CEP290: variants seen among roughly 807,000 people sequenced by gnomAD.
CEP290 encodes centrosomal protein 290, also known as centrosomal protein of 290 kDa.
Under a neutral mutation model 344.9 loss-of-function variants are expected in CEP290, and 317 were observed. The ratio of observed to expected loss-of-function variants is 0.92; its 90% CI spans 0.84 to 1.01. The LOEUF is 1.01. CEP290 is among the 50% of genes least tolerant of loss of function. CEP290 has a pLI of 0.00. For missense variants in CEP290, 2,754 were observed against 2,761.4 expected (o/e 1.00, Z 0.06); for synonymous variants, 932 against 895.8 (o/e 1.04, Z -0.72).
Position 88,139,169 on chromosome 12 carries a change from T to G in CEP290, c.273A>C (p.Val91=), listed in dbSNP as rs768434171. Residue 91 remains valine (V), a synonymous_variant, in exon 5 of 54, where the codon GTA becomes GTC. Coordinates refer to ENST00000552810, the MANE Select transcript of CEP290 (RefSeq NM_025114.4). ...AKFENQLKTK[V]MKLENELEMA... ...CCTCCAGTTCATTTTCCAGTTTCAT[T>G]ACTTTAGTTTTTAATTGATTTTCTA... 1.7e-6 allele frequency: 2 copies of G among 1,203,316 alleles called. No individual in the cohort carries two copies. Among genetic ancestry groups the G allele is most frequent in the Non-Finnish European group, 2.3e-6 (2 of 879,322 alleles). 74.5% of individuals were successfully genotyped at this position (1,203,316 alleles called of 1,614,324 possible). A position where few individuals can be genotyped will look rare whatever the true frequency, so the allele number is the denominator to read the frequency against.
chr12:88,099,379 T>C (rs908388885), intron 26 of CEP290, among the ~76,000 whole-genome samples: 1 of 152,256 alleles, frequency 6.6e-6, no homozygotes, highest in East Asian at 1.9e-4. Context: ...AATTGTAAAG[T>C]AGGTAATTCT....
At chr12:88,102,784 A>AAT in intron 26 of CEP290, 54 bp downstream of exon 26, 2 of 1,508,822 alleles carry the variant, frequency 1.3e-6, no homozygotes, top group Non-Finnish European at 1.8e-6. Context: ...CAAACACAAA[A>AAT]ATATTGAAGA....
chr12:88,096,505 G>A (rs1307911900), intron 27 of CEP290, among the ~76,000 whole-genome samples: 1 of 151,978 alleles, frequency 6.6e-6, no homozygotes, highest in East Asian at 1.9e-4. Context: ...TTTCTTTGCT[G>A]TTTCCTGGTA....
chr12:88,092,933 T>C, intron 28 of CEP290, 101 bp from the exon 29 acceptor site: 1 of 1,033,108 alleles, frequency 9.7e-7, no homozygotes, highest in Non-Finnish European at 1.4e-6. Context: ...TACTTGGCCT[T>C]AGTTCACATA....
Position 88,131,181 on chromosome 12 carries a change from C to T in CEP290, c.479G>A (p.Ser160Asn). ...LRNEEAENEN[S>N]KLRRENKRLK... is the part of the protein sequence containing the mutation. Reference sequence around the variant, plus strand: ...ATTTTTTACCTCTCTTCTTAATTTGCTGTTTTCATTTTCTGCCTCCTCATT... The same window carrying T: ...ATTTTTTACCTCTCTTCTTAATTTGTTGTTTTCATTTTCTGCCTCCTCATT... The change falls in exon 7 of 54, where the codon AGC (serine) becomes AAC (asparagine). Residue 160 changes from serine to asparagine, a missense_variant. Physicochemically the swap from Ser to Asn is conservative, Grantham distance 46 (BLOSUM62 1). Transcript: ENST00000552810. 6.6e-7 allele frequency: 1 copy of T among 1,519,564 alleles called. No homozygotes were observed. Among genetic ancestry groups the T allele is most frequent in the Non-Finnish European group, 8.8e-7 (1 of 1,139,336 alleles). The allele number at this position is 1,519,564 out of a possible 1,614,324, so 94.1% of individuals were successfully genotyped here.
At chr12:88,116,150 C>A in intron 18 of CEP290, 2 of 692,332 alleles carry the variant, frequency 2.9e-6, no homozygotes, top group Non-Finnish European at 3.6e-6. Context: ...AACTAGTCTT[C>A]TCTAGTGCTT....
chr12:88,128,452 C>G (rs555024746), intron 11 of CEP290, among the ~76,000 whole-genome samples: 1 of 152,168 alleles, frequency 6.6e-6, no homozygotes, highest in East Asian at 1.9e-4. Context: ...ATGGTAAGGC[C>G]TGACAATTTG....
At chr12:88,069,688 G>A (rs1046849762) in intron 43 of CEP290, among the ~76,000 whole-genome samples, 5 of 152,278 alleles carry the variant, frequency 3.3e-5, no homozygotes, top group East Asian at 1.9e-4. Context: ...GAGAGTGTTC[G>A]TTTAAATAAG....
rs544464204 is a variant in CEP290, at chr12:88,128,617, T to C, written c.942+329A>G. Among the ~76,000 whole-genome samples the C allele has an allele frequency of 1.3e-3, 203 of 152,282 alleles. 1 individual carries two copies. Among genetic ancestry groups the C allele is most frequent in the Non-Finnish European group, 2.5e-3 (172 of 68,002 alleles). On this transcript the variant is annotated intron_variant, in intron 11 of 53. Transcript: ENST00000552810. ...AACCTGCAACTATTTAACTAATGTATATAAGGTAACTATGAGTTAAGTAAA... is the reference window on the plus strand; with the variant it reads ...AACCTGCAACTATTTAACTAATGTACATAAGGTAACTATGAGTTAAGTAAA...
Position 88,068,543 on chromosome 12 carries a change from C to G in CEP290, c.6114G>C (p.Lys2038Asn). 1.3e-6 allele frequency: 2 copies of G among 1,564,184 alleles called. No homozygotes were observed. The highest frequency in any genetic ancestry group is 1.7e-6 in the Non-Finnish European group (2 of 1,154,020). The change falls in exon 44 of 54, where the codon AAG (lysine) becomes AAC (asparagine). Residue 2038 changes from lysine to asparagine, a missense_variant. Lys to Asn is a moderately conservative substitution (Grantham distance 94). Transcript: ENST00000552810. The part of the protein sequence containing the change: ...KLHALEKQFS[K>N]DTYSKPSISG... Reference sequence around the variant, plus strand: ...TTACTGAAGGCTTAGAATATGTATCCTTTGAAAACTGTTTTTCTAAAGCAT... The same window carrying G: ...TTACTGAAGGCTTAGAATATGTATCGTTTGAAAACTGTTTTTCTAAAGCAT...
chr12:88,060,720 T>C (rs2034412853), intron 47 of CEP290, 110 bp downstream of exon 47: 1 of 748,704 alleles, frequency 1.3e-6, no homozygotes, highest in East Asian at 2.9e-5. Flanking sequence ...AAAATATGTA[T>C]TGTATTCATT....
intron 27 of CEP290, among the ~76,000 whole-genome samples, chr12:88,094,787 ATTAC>A (rs1304875550): frequency 6.6e-6 from 1 of 152,106 alleles, no homozygotes; most frequent in Non-Finnish European, 1.5e-5. Flanking sequence ...AGGGTAGCCA[ATTAC>A]TTAAAGGAAC....
intron 6 of CEP290, among the ~76,000 whole-genome samples, chr12:88,134,995 C>A (rs376465724): frequency 1.7e-4 from 26 of 152,210 alleles, no homozygotes; most frequent in African/African-American, 5.1e-4. Flanking sequence ...AGGCTGATTA[C>A]GGTATCTCTC....
chr12:88,116,726 G>T (rs1021898474), intron 18 of CEP290, among the ~76,000 whole-genome samples: 2 of 152,258 alleles, frequency 1.3e-5, no homozygotes, highest in Non-Finnish European at 2.9e-5. Flanking sequence ...TGTAATCCCA[G>T]CACTTTGGGA....
At chr12:88,090,939 T>A in intron 29 of CEP290, 100 bp from the exon 30 acceptor site, 1 of 625,940 alleles carries the variant, frequency 1.6e-6, no homozygotes, top group South Asian at 2.1e-5. Flanking sequence ...GCCATTCGTT[T>A]TCAGCATCTA....
intron 5 of CEP290, among the ~76,000 whole-genome samples, chr12:88,138,767 A>G (rs969295183): frequency 2.0e-5 from 3 of 152,190 alleles, no homozygotes; most frequent in African/African-American, 7.2e-5. Context: ...AGGAATCTCA[A>G]TGTATTTTGT....
intron 46 of CEP290, among the ~76,000 whole-genome samples, chr12:88,062,470 T>G (rs1192799624): frequency 6.6e-6 from 1 of 152,156 alleles, no homozygotes; most frequent in African/African-American, 2.4e-5. Flanking sequence ...TGGAGGCATA[T>G]TCAATAAAAA....
At chr12:88,129,075 T>C (rs749266956) in intron 10 of CEP290, 40 bp from the exon 11 acceptor site, 25 of 1,219,648 alleles carry the variant, frequency 2.0e-5, no homozygotes, top group Non-Finnish European at 2.7e-5. Flanking sequence ...TGCAAACTGA[T>C]GTAACATATA....
At chr12:88,103,421 G>C (rs1216062513) in intron 25 of CEP290, 1 of 153,588 alleles carries the variant, frequency 6.5e-6, no homozygotes, top group African/African-American at 2.4e-5. Flanking sequence ...AGCTATTTAT[G>C]CTTATTGTAA....
Sources: gnomAD v4.1 joint callset for allele counts (sites outside exome capture counted in the v4.1 genomes callset) on GRCh38, gnomAD v4.1.1 for gene constraint, MANE v1.5 for transcripts, NCBI Gene and HGNC (gene_info 2026-07-23, HGNC 2026-07-21) for gene names.